The following MYO1E variants were observed in gnomAD, a reference collection of about 807,000 sequenced individuals.
MYO1E encodes unconventional myosin-Ie.
Under a neutral mutation model 151.1 loss-of-function variants are expected in MYO1E, and 68 were observed. That is an observed-to-expected ratio of 0.45 (90% CI 0.37 to 0.55). The LOEUF (loss-of-function observed/expected upper bound fraction) is 0.55, where lower values mean the gene tolerates loss of function less well. Ranked by LOEUF, MYO1E falls within the 20% of genes least tolerant of loss-of-function variation. MYO1E has a pLI of 0.00. For synonymous variants in MYO1E, 601 were observed against 501.7 expected, an observed-to-expected ratio of 1.20 and a Z score of -2.64; for missense variants, 1,363 against 1,389.3, an observed-to-expected ratio of 0.98 and a Z score of 0.30.
chr15:59,152,012 G>A (rs1463865880), intron 26 of MYO1E, among the ~76,000 whole-genome samples: 1 of 151,834 alleles, frequency 6.6e-6, no homozygotes, highest in Non-Finnish European at 1.5e-5. Flanking sequence ...AGATTGCAGT[G>A]AGCCGAGATT....
chr15:59,208,520 G>C, intron 14 of MYO1E, 161 bp downstream of exon 14: 3 of 819,996 alleles, frequency 3.7e-6, no homozygotes, highest in Non-Finnish European at 6.0e-6. Flanking sequence ...AAAAAATGCA[G>C]TAGTATATAC....
intron 22 of MYO1E, among the ~76,000 whole-genome samples, chr15:59,167,812 G>T (rs1831159244): frequency 6.6e-6 from 1 of 152,188 alleles, no homozygotes; most frequent in African/African-American, 2.4e-5. Flanking sequence ...AAGTAGCTGG[G>T]ATTACAGGCA....
rs74810956 is a variant in MYO1E, at chr15:59,175,966, C to A, written c.2050-1726G>T. ...ACCAAAAAACAACAACAGGAAAACA[C>A]ACAAAACAACCTTAAATGAGAAAAG... On this transcript the variant is annotated intron_variant, in intron 19 of 27. Coordinates refer to ENST00000288235, the MANE Select transcript of MYO1E (RefSeq NM_004998.4). 1.3e-3 allele frequency among the ~76,000 whole-genome samples: 193 copies of A among 152,300 alleles called. 4 individuals are homozygous for A. The East Asian group carries it at 0.034, about 27-fold the overall frequency.
At chr15:59,331,892 T>C (rs2080700290) in intron 1 of MYO1E, among the ~76,000 whole-genome samples, 1 of 152,174 alleles carries the variant, frequency 6.6e-6, no homozygotes, top group Non-Finnish European at 1.5e-5. Context: ...GCAGCTCTCT[T>C]TTATTATTGC....
At chr15:59,274,059 C>CTT (rs71864504) in intron 1 of MYO1E, among the ~76,000 whole-genome samples, 69,622 of 150,620 alleles carry the variant, frequency 0.46, 19,362 homozygotes, top group Middle Eastern at 0.64. Context: ...AAATGGTTTA[C>CTT]TTTTTTTTCG....
chr15:59,315,615 T>G (rs1008650676), intron 1 of MYO1E, among the ~76,000 whole-genome samples: 7 of 151,858 alleles, frequency 4.6e-5, no homozygotes, highest in African/African-American at 1.5e-4. Context: ...TTACTTAACC[T>G]CTCTGTGCCT....
intron 1 of MYO1E, among the ~76,000 whole-genome samples, chr15:59,311,584 C>T (rs1196090924): frequency 6.6e-6 from 1 of 152,122 alleles, no homozygotes; most frequent in African/African-American, 2.4e-5. Flanking sequence ...CATGAGTTTA[C>T]CATATAAGAA....
intron 1 of MYO1E, among the ~76,000 whole-genome samples, chr15:59,354,497 G>C (rs1045963475): frequency 6.6e-6 from 1 of 152,092 alleles, no homozygotes; most frequent in Non-Finnish European, 1.5e-5. Context: ...AAAAGCCCTC[G>C]CTTGGGGTCA....
At chr15:59,151,481 G>A (rs988033536) in intron 26 of MYO1E, among the ~76,000 whole-genome samples, 2 of 152,170 alleles carry the variant, frequency 1.3e-5, no homozygotes, top group South Asian at 2.1e-4. Context: ...TTTCATATTT[G>A]TAGCCCAAAT....
Position 59,303,984 on chromosome 15 carries a change from T to TTC in MYO1E, c.4-31536_4-31535insGA, listed in dbSNP as rs1555418468. Among the ~76,000 whole-genome samples, 632 of 144,492 alleles carry TTC rather than the reference T, an allele frequency of 4.4e-3. 2 individuals are homozygous for TTC. The highest frequency in any genetic ancestry group is 7.2e-3 in the Non-Finnish European group (470 of 65,346). The allele number at this position is 144,492 out of a possible 152,430, so 94.8% of individuals were successfully genotyped here. A position where few individuals can be genotyped will look rare whatever the true frequency, so the allele number is the denominator to read the frequency against. ...TCTATTTTCATTTTCTTTTCTTTCT[T>TTC]TTTTTTTTTTTTTTTTAGAGGGAGT... On this transcript the variant is annotated intron_variant, in intron 1 of 27. Coordinates refer to ENST00000288235, the MANE Select transcript of MYO1E (RefSeq NM_004998.4).
At chr15:59,146,541 C>T (rs2079442664) in intron 26 of MYO1E, among the ~76,000 whole-genome samples, 1 of 152,124 alleles carries the variant, frequency 6.6e-6, no homozygotes, top group Non-Finnish European at 1.5e-5. Context: ...TCTCGAACTC[C>T]TGATCTCAAG....
At chr15:59,342,501 C>T (rs2080771695) in intron 1 of MYO1E, among the ~76,000 whole-genome samples, 1 of 152,198 alleles carries the variant, frequency 6.6e-6, no homozygotes, top group Non-Finnish European at 1.5e-5. Flanking sequence ...CATCCATTTT[C>T]ATTTGATTTG....
intron 1 of MYO1E, among the ~76,000 whole-genome samples, chr15:59,346,335 C>T (rs940133477): frequency 1.1e-4 from 16 of 152,108 alleles, no homozygotes; most frequent in Non-Finnish European, 1.9e-4. Context: ...CTACGAATGA[C>T]GGCCCCATAG....
In MYO1E at chr15:59,209,527, T is replaced by G. The variant is rs745829632; in HGVS notation, c.1363-679A>C. Among the ~76,000 whole-genome samples, 92 of 151,808 alleles carry G rather than the reference T, an allele frequency of 6.1e-4. 2 individuals carry two copies. Among genetic ancestry groups the G allele is most frequent in the Middle Eastern group, 6.8e-3 (2 of 294 alleles). The stretch of plus-strand genomic sequence containing the variant: ...CCCCTCTCTACTAAAAATACAAAAA[T>G]TAGCCAGGTGTGGTGGTGGGCGCCT... On this transcript the variant is annotated intron_variant, in intron 13 of 27. Transcript: ENST00000288235.
chr15:59,316,986 C>T (rs2080593053), intron 1 of MYO1E, among the ~76,000 whole-genome samples: 1 of 152,074 alleles, frequency 6.6e-6, no homozygotes, highest in South Asian at 2.1e-4. Context: ...ACCTCAGTAG[C>T]CCAGGAATAA....
Position 59,134,349 on chromosome 15 carries a change from G to A in MYO1E, c.*3031C>T, listed in dbSNP as rs541141614. On this transcript the variant is annotated 3_prime_UTR_variant, in exon 28 of 28. Transcript: ENST00000288235. ...CCCTTTGTCCTCTCCACATGTCTCT[G>A]TATTGTTTCACAAAACACTGTGGAA... 1.3e-5 allele frequency: 2 copies of A among 152,304 alleles called. No homozygotes were observed. Among genetic ancestry groups the A allele is most frequent in the Non-Finnish European group, 2.9e-5 (2 of 68,038 alleles). 9.4% of individuals were successfully genotyped at this position (152,304 alleles called of 1,614,324 possible). A position where few individuals can be genotyped will look rare whatever the true frequency, so the allele number is the denominator to read the frequency against.
chr15:59,253,900 C>CT (rs1566992947), intron 4 of MYO1E, among the ~76,000 whole-genome samples: 3 of 69,400 alleles, frequency 4.3e-5, no homozygotes, highest in African/African-American at 1.9e-4. Flanking sequence ...GGACAAACAA[C>CT]CTTTTTTTTT....
intron 4 of MYO1E, among the ~76,000 whole-genome samples, chr15:59,243,383 A>G (rs1024577173): frequency 1.3e-5 from 2 of 152,296 alleles, no homozygotes; most frequent in South Asian, 2.1e-4. Flanking sequence ...TGCATGTCAG[A>G]GACTGTTATA....
Position 59,159,890 on chromosome 15 carries a change from G to A in MYO1E, c.2785+1183C>T, listed in dbSNP as rs1198364913. On this transcript the variant is annotated intron_variant, in intron 24 of 27. Coordinates refer to ENST00000288235, the MANE Select transcript of MYO1E (RefSeq NM_004998.4). This position sits in a 1 kb window ranked among gnomAD's most constrained non-coding sequence, Gnocchi z 4.4. ...ATGGAGTTTCGCTCTTGTTGCCCAG[G>A]CTGGTGTGCAATGGCGCGATCTCAG... Among the ~76,000 whole-genome samples the A allele has an allele frequency of 6.6e-6, 1 of 152,158 alleles. No homozygotes were observed. The highest frequency in any genetic ancestry group is 1.5e-5 in the Non-Finnish European group (1 of 68,032).
Sources: allele counts gnomAD v4.1 joint callset (sites outside exome capture counted in the v4.1 genomes callset), GRCh38; gene constraint gnomAD v4.1.1; non-coding constraint Gnocchi (gnomAD v3.1); transcripts MANE v1.5; gene names NCBI Gene and HGNC (gene_info 2026-07-23, HGNC 2026-07-21).